The following TEAD1 variants were observed in gnomAD, a reference collection of about 807,000 sequenced individuals.
TEAD1 encodes TEA domain transcription factor 1.
A neutral mutation model predicts 54.9 loss-of-function variants in TEAD1; 9 were observed. The observed-to-expected ratio is 0.16, with a 90% CI of 0.10 to 0.29. TEAD1 has a LOEUF of 0.29. TEAD1 is among the 10% of genes least tolerant of loss of function. The probability of loss-of-function intolerance (pLI) is 1.00; values close to 1 mark genes in which losing one functional copy is unlikely to be tolerated. For synonymous variants in TEAD1, 200 were observed against 187.8 expected (o/e 1.07, Z -0.53); for missense variants, 387 against 535.9 (o/e 0.72, Z 2.74).
chr11:12,706,588 A>G (rs989730237), intron 2 of TEAD1, among the ~76,000 whole-genome samples: 3 of 152,232 alleles, frequency 2.0e-5, no homozygotes, highest in Admixed American at 6.5e-5. Context: ...CTGCTGCTAA[A>G]GTTGTTTAAA....
rs985565792 is a variant in TEAD1 at position 12,835,612 on chromosome 11, A to G, written c.203-26638A>G. Among the ~76,000 whole-genome samples, 5 of 151,530 alleles carry G rather than the reference A, an allele frequency of 3.3e-5. 1 individual carries two copies. In the South Asian group the frequency reaches 8.4e-4, roughly 25 times the overall value. ...TGGGATTATAGGCGTGAGCCACCGTACCCGGTGGCTCTGAGGTTTTTAAAT... is the reference window on the plus strand; with the variant it reads ...TGGGATTATAGGCGTGAGCCACCGTGCCCGGTGGCTCTGAGGTTTTTAAAT... On this transcript the variant is annotated intron_variant, in intron 3 of 12. Coordinates refer to ENST00000527636, the MANE Select transcript of TEAD1 (RefSeq NM_021961.6).
Position 12,881,103 on chromosome 11 carries a change from C to G in TEAD1, c.512+52C>G, listed in dbSNP as rs368127489. 2.2e-5 allele frequency: 35 copies of G among 1,581,668 alleles called. No individual in the cohort carries two copies. In the South Asian group the frequency reaches 3.4e-4, roughly 15 times the overall value. ...ACAACTACGGGCTGGTCCCAGCCCA[C>G]GTGGGGAGAGCTCTTCCTGGACCAT... On this transcript the variant is annotated intron_variant, in intron 7 of 12. Coordinates refer to ENST00000527636, the MANE Select transcript of TEAD1 (RefSeq NM_021961.6).
intron 3 of TEAD1, among the ~76,000 whole-genome samples, chr11:12,847,641 C>T (rs970956237): frequency 3.3e-5 from 5 of 152,096 alleles, no homozygotes; most frequent in Admixed American, 2.6e-4. Context: ...TAATTTTTTA[C>T]GGATAGAATG....
At chr11:12,838,056 C>G (rs1362635419) in intron 3 of TEAD1, among the ~76,000 whole-genome samples, 3 of 152,112 alleles carry the variant, frequency 2.0e-5, no homozygotes, top group Non-Finnish European at 2.9e-5. Context: ...CTGGGACTCC[C>G]AAAGTGCTGG....
chr11:12,724,465 G>A, intron 2 of TEAD1, among the ~76,000 whole-genome samples: 1 of 152,228 alleles, frequency 6.6e-6, no homozygotes, highest in Non-Finnish European at 1.5e-5. Flanking sequence ...TAGTGCAAGA[G>A]CTTTTATCTT....
chr11:12,724,940 G>T (rs931469575), intron 2 of TEAD1, among the ~76,000 whole-genome samples: 1 of 152,134 alleles, frequency 6.6e-6, no homozygotes, highest in East Asian at 1.9e-4. Flanking sequence ...AGTGCCCTGG[G>T]GCTTTGCTTT....
At chr11:12,787,174 G>A (rs980243687) in intron 3 of TEAD1, among the ~76,000 whole-genome samples, 4 of 152,142 alleles carry the variant, frequency 2.6e-5, no homozygotes, top group Admixed American at 6.5e-5. Context: ...GTCTCTCACC[G>A]TATCCTCAGG....
In TEAD1 at chr11:12,899,679, C is replaced by G. The variant is rs777477145; in HGVS notation, c.700-2261C>G. ...GGCAGACCCTGTTGTTTTATAGTATCTCCCAGCTTCTGTCTTACCTGCCAG... is the reference window on the plus strand; with the variant it reads ...GGCAGACCCTGTTGTTTTATAGTATGTCCCAGCTTCTGTCTTACCTGCCAG... On this transcript the variant is annotated intron_variant, in intron 9 of 12. Transcript: ENST00000527636. Among the ~76,000 whole-genome samples the G allele has an allele frequency of 4.8e-4, 73 of 152,188 alleles. 2 individuals are homozygous for G. Among genetic ancestry groups the G allele is most frequent in the South Asian group, 1.0e-3 (5 of 4,826 alleles).
intron 2 of TEAD1, among the ~76,000 whole-genome samples, chr11:12,755,761 C>T (rs1944972175): frequency 6.6e-6 from 1 of 152,164 alleles, no homozygotes; most frequent in South Asian, 2.1e-4. Flanking sequence ...CATGCACTGT[C>T]TTGGTATCAG....
chr11:12,934,880 C>T (rs1028984624), intron 12 of TEAD1, among the ~76,000 whole-genome samples: 1 of 151,998 alleles, frequency 6.6e-6, no homozygotes, highest in Non-Finnish European at 1.5e-5. Flanking sequence ...TAAACCATTG[C>T]AAGCAAATGA....
intron 3 of TEAD1, among the ~76,000 whole-genome samples, chr11:12,815,883 C>T (rs1946405104): frequency 6.6e-6 from 1 of 152,166 alleles, no homozygotes; most frequent in African/African-American, 2.4e-5. Flanking sequence ...TACTTCATGG[C>T]TCAGAGGAAA....
intron 2 of TEAD1, among the ~76,000 whole-genome samples, chr11:12,753,007 ATTTTTTT>A (rs1276478132): frequency 2.9e-5 from 4 of 138,102 alleles, no homozygotes; most frequent in African/African-American, 1.1e-4. Flanking sequence ...CACCCAGCTA[ATTTTTTT>A]TTTTTTTTTT....
intron 10 of TEAD1, among the ~76,000 whole-genome samples, chr11:12,911,662 C>G (rs1045361980): frequency 6.7e-6 from 1 of 148,520 alleles, no homozygotes. Context: ...TTTAAGTAGA[C>G]TGTGGTTACA....
At chr11:12,752,855 T>C (rs1395766386) in intron 2 of TEAD1, among the ~76,000 whole-genome samples, 1 of 152,156 alleles carries the variant, frequency 6.6e-6, no homozygotes, top group African/African-American at 2.4e-5. Flanking sequence ...CAGTTTTTTT[T>C]TTTTTAAGAC....
intron 2 of TEAD1, among the ~76,000 whole-genome samples, chr11:12,741,667 G>A (rs1348594579): frequency 6.6e-6 from 1 of 152,108 alleles, no homozygotes; most frequent in Non-Finnish European, 1.5e-5. Flanking sequence ...AATCTGGATT[G>A]TTTATTTACC....
At chr11:12,781,617 A>G (rs1328379904) in intron 3 of TEAD1, among the ~76,000 whole-genome samples, 1 of 150,294 alleles carries the variant, frequency 6.7e-6, no homozygotes, top group Non-Finnish European at 1.5e-5. Context: ...CTGCGATATC[A>G]CTTTATATCT....
At chr11:12,770,732 T>C (rs935497061) in intron 3 of TEAD1, among the ~76,000 whole-genome samples, 7 of 152,180 alleles carry the variant, frequency 4.6e-5, no homozygotes, top group African/African-American at 1.7e-4. Context: ...TACAAATGAC[T>C]CCAATATTGA....
intron 2 of TEAD1, among the ~76,000 whole-genome samples, chr11:12,678,873 TA>T (rs2133807507): frequency 6.6e-6 from 1 of 152,334 alleles, no homozygotes; most frequent in African/African-American, 2.4e-5. Context: ...TCCAGTTTTG[TA>T]GTGGTACAGA....
chr11:12,853,787 T>C (rs1347011169), intron 3 of TEAD1, among the ~76,000 whole-genome samples: 1 of 152,198 alleles, frequency 6.6e-6, no homozygotes, highest in Admixed American at 6.5e-5. Flanking sequence ...AGTTGTCACA[T>C]GATAATGTTA....
Sources: gnomAD v4.1 joint callset for allele counts (sites outside exome capture counted in the v4.1 genomes callset) on GRCh38, gnomAD v4.1.1 for gene constraint, MANE v1.5 for transcripts, NCBI Gene and HGNC (gene_info 2026-07-23, HGNC 2026-07-21) for gene names.